Variants in EXOC6B observed in about 807,000 individuals in gnomAD.
EXOC6B encodes exocyst complex component 6B, also known as SEC15 homolog B.
In EXOC6B, 54 loss-of-function variants were observed where a neutral mutation model predicts 113.5. That is an observed-to-expected ratio of 0.48 (90% CI 0.38 to 0.60). The LOEUF (loss-of-function observed/expected upper bound fraction) is 0.60. Among genes scored for constraint, EXOC6B ranks in the 20% least tolerant of loss-of-function variants. The pLI, the probability that EXOC6B is intolerant of heterozygous loss-of-function variation, is 0.00. For missense variants in EXOC6B, 797 were observed against 977.5 expected (o/e 0.82, Z 2.46); for synonymous variants, 357 against 339.0 (o/e 1.05, Z -0.58).
chr2:72,725,019 G>C (rs1161842843), intron 5 of EXOC6B, among the ~76,000 whole-genome samples: 1 of 152,112 alleles, frequency 6.6e-6, no homozygotes, highest in Non-Finnish European at 1.5e-5. Context: ...TAGAAATCAG[G>C]TCAACATTTT....
At chr2:72,367,044 C>T (rs767759777) in intron 19 of EXOC6B, among the ~76,000 whole-genome samples, 4 of 151,928 alleles carry the variant, frequency 2.6e-5, no homozygotes, top group African/African-American at 7.3e-5. Flanking sequence ...CATTTCTAGA[C>T]ATTTTATAAA....
At chr2:72,657,683 C>A (rs1040655996) in intron 6 of EXOC6B, among the ~76,000 whole-genome samples, 2 of 134,544 alleles carry the variant, frequency 1.5e-5, no homozygotes, top group South Asian at 5.0e-4. Context: ...GTAGTACTGA[C>A]AAAAAGAAAA....
Position 72,568,635 on chromosome 2 carries a change from C to T in EXOC6B, c.846+6857G>A, listed in dbSNP as rs749661525. On this transcript the variant is annotated intron_variant, in intron 7 of 21. Transcript: ENST00000272427. Reference sequence around the variant, plus strand: ...TAATAAGTGGACTATTTAAGTGAAGCGTATATGGATACCATATGTGTAACT... The same window carrying T: ...TAATAAGTGGACTATTTAAGTGAAGTGTATATGGATACCATATGTGTAACT... Among the ~76,000 whole-genome samples the T allele has an allele frequency of 2.6e-5, 4 of 151,948 alleles. No individual in the cohort carries two copies. The East Asian group carries it at 5.8e-4, about 22-fold the overall frequency.
At chr2:72,620,076 G>A (rs1005454115) in intron 6 of EXOC6B, among the ~76,000 whole-genome samples, 3 of 152,242 alleles carry the variant, frequency 2.0e-5, no homozygotes, top group Admixed American at 6.5e-5. Flanking sequence ...CCAGACTGAG[G>A]TGCATCTATT....
chr2:72,505,471 A>C (rs1002401542), intron 11 of EXOC6B, among the ~76,000 whole-genome samples: 1 of 152,126 alleles, frequency 6.6e-6, no homozygotes, highest in African/African-American at 2.4e-5. Flanking sequence ...AATTGTCTTG[A>C]TATCCAAATA....
intron 6 of EXOC6B, among the ~76,000 whole-genome samples, chr2:72,615,203 T>C (rs375972683): frequency 1.1e-4 from 17 of 152,172 alleles, no homozygotes; most frequent in African/African-American, 3.1e-4. Context: ...AGCTTCAATA[T>C]AAATAAAACA....
At chr2:72,695,808 A>T (rs2085933619) in intron 6 of EXOC6B, among the ~76,000 whole-genome samples, 1 of 152,212 alleles carries the variant, frequency 6.6e-6, no homozygotes, top group Non-Finnish European at 1.5e-5. Context: ...CCATTTCTGA[A>T]GGCTAGCCTA....
chr2:72,805,904 T>C (rs1685554579), intron 1 of EXOC6B, among the ~76,000 whole-genome samples: 1 of 152,228 alleles, frequency 6.6e-6, no homozygotes. Context: ...GTGCCTGGCT[T>C]CTTTCACTTA....
chr2:72,717,704 A>ATAACATGCT (rs149417973), intron 6 of EXOC6B, among the ~76,000 whole-genome samples: 1,612 of 152,324 alleles, frequency 0.011, 27 homozygotes, highest in African/African-American at 0.036. Context: ...ATATGCATAT[A>ATAACATGCT]TAACATGCTA....
chr2:72,575,322 CTTAGTA>C (rs1175286254), intron 7 of EXOC6B, among the ~76,000 whole-genome samples, 164 bp downstream of exon 7: 1 of 152,108 alleles, frequency 6.6e-6, no homozygotes, highest in Non-Finnish European at 1.5e-5. Flanking sequence ...TCTAAATTAT[CTTAGTA>C]TATCTTCAAT....
intron 7 of EXOC6B, among the ~76,000 whole-genome samples, chr2:72,562,152 G>A (rs554623734): frequency 2.0e-4 from 30 of 152,268 alleles, no homozygotes; most frequent in African/African-American, 6.3e-4. Flanking sequence ...GTTGCTTAGT[G>A]CGAGATGTGT....
chr2:72,750,770 C>A (rs1302395455), intron 1 of EXOC6B, among the ~76,000 whole-genome samples: 1 of 152,034 alleles, frequency 6.6e-6, no homozygotes, highest in Non-Finnish European at 1.5e-5. Flanking sequence ...GTAGTCCCAG[C>A]ATGGTTGTTA....
chr2:72,243,421 G>A (rs953259373), intron 20 of EXOC6B, among the ~76,000 whole-genome samples: 13 of 152,250 alleles, frequency 8.5e-5, no homozygotes, highest in Admixed American at 2.6e-4. Context: ...CCATAAAAAA[G>A]GATGAGTTCA....
At chr2:72,391,040 C>T (rs1044149179) in intron 18 of EXOC6B, among the ~76,000 whole-genome samples, 14 of 152,202 alleles carry the variant, frequency 9.2e-5, no homozygotes, top group Non-Finnish European at 7.3e-5. Flanking sequence ...TGTCTTCTTA[C>T]CAGTATTGCT....
chr2:72,721,940 C>A (rs997289881), intron 5 of EXOC6B: 14 of 149,102 alleles, frequency 9.4e-5, no homozygotes, highest in African/African-American at 3.5e-4. Context: ...AAAATGGGAA[C>A]TTATTTAGTC....
At chr2:72,275,206 C>T (rs1684741133) in intron 20 of EXOC6B, among the ~76,000 whole-genome samples, 1 of 152,144 alleles carries the variant, frequency 6.6e-6, no homozygotes. Context: ...TAAAGTTTAT[C>T]TGAGATACAT....
intron 8 of EXOC6B, among the ~76,000 whole-genome samples, chr2:72,529,022 C>T (rs6756853): frequency 0.027 from 4,168 of 152,166 alleles, 176 homozygotes; most frequent in African/African-American, 0.095. Context: ...CCTTTCCATT[C>T]TGCATGCCCT....
intron 1 of EXOC6B, among the ~76,000 whole-genome samples, chr2:72,743,855 C>T (rs987143205): frequency 6.6e-6 from 1 of 152,154 alleles, no homozygotes; most frequent in Non-Finnish European, 1.5e-5. Context: ...CCACACCCCC[C>T]ACAGGAGGTC....
At position 72,825,980 on chromosome 2, in the gene EXOC6B, G is replaced by T. The variant is rs529604970; in HGVS notation, c.-70C>A. 2.6e-6 allele frequency: 4 copies of T among 1,568,036 alleles called. No individual in the cohort carries two copies. Among genetic ancestry groups the T allele is most frequent in the Non-Finnish European group, 2.6e-6 (3 of 1,160,400 alleles). ...CACCTTTTCCCTGCCCCACAATGCC[G>T]CTCCCACCACAGGCTCCACAGCCGC... On this transcript the variant is annotated 5_prime_UTR_variant, in exon 1 of 22. Transcript: ENST00000272427. The surrounding 1 kb of genome is among the most constrained non-coding windows in gnomAD (Gnocchi z 4.4).
Sources: gnomAD v4.1 joint callset for allele counts (sites outside exome capture counted in the v4.1 genomes callset) on GRCh38, gnomAD v4.1.1 for gene constraint, Gnocchi (gnomAD v3.1) non-coding constraint, MANE v1.5 for transcripts, NCBI Gene and HGNC (gene_info 2026-07-23, HGNC 2026-07-21) for gene names.